USP22: variants seen among roughly 807,000 people sequenced by gnomAD.
USP22 encodes the protein ubiquitin carboxyl-terminal hydrolase 22.
In USP22, 22 loss-of-function variants were observed where a neutral mutation model predicts 68.1. The observed-to-expected ratio is 0.32, with a 90% confidence interval of 0.23 to 0.46. The LOEUF (loss-of-function observed/expected upper bound fraction) is 0.46, where lower values mean the gene tolerates loss of function less well. Ranked by LOEUF, USP22 falls within the 20% of genes least tolerant of loss-of-function variation. The pLI is 1.00. For missense variants in USP22, 433 were observed against 695.8 expected, an observed-to-expected ratio of 0.62 and a Z score of 4.25; for synonymous variants, 279 against 274.2, an observed-to-expected ratio of 1.02 and a Z score of -0.17.
chr17:21,034,068 A>G (rs1425598882), intron 1 of USP22, among the ~76,000 whole-genome samples: 1 of 151,488 alleles, frequency 6.6e-6, no homozygotes, highest in Non-Finnish European at 1.5e-5. Context: ...TATCCTTTAT[A>G]TGAAAAAAAA....
At chr17:21,007,103 G>C in intron 9 of USP22, 116 bp from the exon 10 acceptor site, 1 of 871,342 alleles carries the variant, frequency 1.1e-6, no homozygotes, top group Non-Finnish European at 1.7e-6. Context: ...GTATTTTATT[G>C]AACTGCCTTG....
At chr17:21,036,030 C>CAAAAAAAAAAAAAAAAAA (rs35324126) in intron 1 of USP22, among the ~76,000 whole-genome samples, 1 of 59,642 alleles carries the variant, frequency 1.7e-5, no homozygotes, top group African/African-American at 8.9e-5. Context: ...GACTCCGTCT[C>CAAAAAAAAAAAAAAAAAA]AAAAAAAAAA....
At position 21,003,107 on chromosome 17, in the gene USP22, C is replaced by T. The variant is rs201042226; in HGVS notation, c.1536-34G>A. 320 of 1,612,828 alleles carry T rather than the reference C, an allele frequency of 2.0e-4. 4 individuals carry two copies. In the Middle Eastern group the frequency reaches 0.013, roughly 68 times the overall value. Reference sequence around the variant, plus strand: ...GCAGAGAGAGGGAGGAGGCTCACCTCTAACTCCTAAGACAGGAGCCAGAAC... The same window carrying T: ...GCAGAGAGAGGGAGGAGGCTCACCTTTAACTCCTAAGACAGGAGCCAGAAC... On this transcript the variant is annotated intron_variant, in intron 12 of 12. Coordinates refer to ENST00000261497, the MANE Select transcript of USP22 (RefSeq NM_015276.2).
intron 6 of USP22, among the ~76,000 whole-genome samples, chr17:21,013,846 G>A (rs1257093177): frequency 1.3e-5 from 2 of 152,212 alleles, no homozygotes; most frequent in African/African-American, 2.4e-5. Context: ...AGGCCAAGGC[G>A]GGCGGATCAC....
At chr17:21,010,222 A>G (rs1174908121) in intron 8 of USP22, among the ~76,000 whole-genome samples, 2 of 152,208 alleles carry the variant, frequency 1.3e-5, no homozygotes, top group African/African-American at 4.8e-5. Flanking sequence ...GACAGAAACC[A>G]AAGGCTCGTA....
intron 2 of USP22, 111 bp downstream of exon 2, chr17:21,028,431 T>A (rs1244521378): frequency 1.3e-5 from 20 of 1,513,866 alleles, no homozygotes; most frequent in African/African-American, 4.1e-5. Flanking sequence ...ACGCATTACT[T>A]GAGACAAACG....
chr17:21,015,510 C>T, intron 6 of USP22: 4 of 496,472 alleles, frequency 8.1e-6, no homozygotes, highest in Non-Finnish European at 1.4e-5. Context: ...TGATCGGTCA[C>T]TGAGGACCTG....
intron 1 of USP22, among the ~76,000 whole-genome samples, chr17:21,039,076 C>T (rs1056395789): frequency 6.6e-6 from 1 of 152,054 alleles, no homozygotes; most frequent in East Asian, 2.0e-4. Context: ...CCCAGCCTCA[C>T]GAGTAGCTGG....
chr17:21,038,536 C>T (rs1227358309), intron 1 of USP22, among the ~76,000 whole-genome samples: 1 of 151,926 alleles, frequency 6.6e-6, no homozygotes, highest in East Asian at 1.9e-4. Flanking sequence ...GGTGCGGTGG[C>T]GCATGCCTGT....
chr17:21,011,100 A>G (rs1913953048), intron 8 of USP22, 51 bp downstream of exon 8: 1 of 1,529,876 alleles, frequency 6.5e-7, no homozygotes. Context: ...GATGGAGCAC[A>G]GCCTTCTGGC....
Position 21,034,258 on chromosome 17 carries a change from A to C in USP22, c.172-5584T>G, listed in dbSNP as rs534423748. ...TACAGAAGGGGTAATTTCATTCAGC[A>C]AAGGCAAGACCTCAGACTGACCTCA... On this transcript the variant is annotated intron_variant, in intron 1 of 12. Coordinates refer to ENST00000261497, the MANE Select transcript of USP22 (RefSeq NM_015276.2). Among the ~76,000 whole-genome samples, 71 of 152,326 alleles carry C rather than the reference A, an allele frequency of 4.7e-4. 1 individual carries two copies. In the South Asian group the frequency reaches 7.2e-3, roughly 16 times the overall value.
In USP22 at chr17:21,002,810, C is replaced by G. The variant is rs1290417125; in HGVS notation, c.*221G>C. 3.7e-6 allele frequency: 2 copies of G among 542,662 alleles called. No homozygotes were observed. Among genetic ancestry groups the G allele is most frequent in the Non-Finnish European group, 6.7e-6 (2 of 297,774 alleles). The allele number at this position is 542,662 out of a possible 1,614,324, so 33.6% of individuals were successfully genotyped here. A position where few individuals can be genotyped will look rare whatever the true frequency, so the allele number is the denominator to read the frequency against. On this transcript the variant is annotated 3_prime_UTR_variant, in exon 13 of 13. Transcript: ENST00000261497. ...CTCCTCCCACCCAGAGCACACCCCTCATCTCATCCATCTTCAAAGCAGCTC... is the reference window on the plus strand; with the variant it reads ...CTCCTCCCACCCAGAGCACACCCCTGATCTCATCCATCTTCAAAGCAGCTC...
intron 1 of USP22, among the ~76,000 whole-genome samples, chr17:21,034,682 C>T (rs913188228): frequency 5.3e-5 from 8 of 152,164 alleles, no homozygotes; most frequent in African/African-American, 1.4e-4. Flanking sequence ...TCAACTGTTG[C>T]GGATGTGATC....
At chr17:21,027,687 G>A (rs1019295513) in intron 2 of USP22, among the ~76,000 whole-genome samples, 2 of 152,210 alleles carry the variant, frequency 1.3e-5, no homozygotes, top group Non-Finnish European at 1.5e-5. Context: ...ACAAAGCCAA[G>A]GCCGGGCACA....
intron 9 of USP22, 120 bp downstream of exon 9, chr17:21,007,750 G>A: frequency 7.7e-7 from 1 of 1,303,896 alleles, no homozygotes; most frequent in Non-Finnish European, 1.1e-6. Context: ...CTTCCTCGGT[G>A]TTCTTCCTGC....
At chr17:21,041,619 A>ATCT (rs1972433692) in intron 1 of USP22, among the ~76,000 whole-genome samples, 1 of 152,036 alleles carries the variant, frequency 6.6e-6, no homozygotes, top group Admixed American at 6.5e-5. Flanking sequence ...TTTTTTTTTG[A>ATCT]ATTACTGCTT....
chr17:21,037,214 T>C (rs1972368398), intron 1 of USP22, among the ~76,000 whole-genome samples: 1 of 151,918 alleles, frequency 6.6e-6, no homozygotes, highest in East Asian at 1.9e-4. Flanking sequence ...AACACACGAG[T>C]GAGGATCAGC....
chr17:21,004,836 G>T, intron 11 of USP22, 92 bp downstream of exon 11: 1 of 1,444,894 alleles, frequency 6.9e-7, no homozygotes, highest in Non-Finnish European at 9.5e-7. Flanking sequence ...CAGTGGCGGG[G>T]GATCCGCTGG....
rs1913501911 is a variant in USP22 at position 20,999,923 on chromosome 17, G to GGAC, written c.*3107_*3108insGTC. On this transcript the variant is annotated 3_prime_UTR_variant, in exon 13 of 13. Transcript: ENST00000261497. ...AGGGAATGCCCAGGGAGGCTGCAGT[G>GGAC]CTCACCACGAAGCCCAGGTCCACGG... 2 of 152,332 alleles carry GGAC rather than the reference G, an allele frequency of 1.3e-5. No homozygotes were observed. Among genetic ancestry groups the GGAC allele is most frequent in the Non-Finnish European group, 2.9e-5 (2 of 68,136 alleles). The allele number at this position is 152,332 out of a possible 1,614,324, so 9.4% of individuals were successfully genotyped here.
Sources: allele counts gnomAD v4.1 joint callset (sites outside exome capture counted in the v4.1 genomes callset), GRCh38; gene constraint gnomAD v4.1.1; transcripts MANE v1.5; gene names NCBI Gene and HGNC (gene_info 2026-07-23, HGNC 2026-07-21).